Variants in HDAC9 observed in about 807,000 individuals in gnomAD.
The protein encoded by HDAC9 is histone deacetylase 9.
A neutral mutation model predicts 139.4 loss-of-function variants in HDAC9; 41 were observed. The observed-to-expected ratio is 0.29, with a 90% CI of 0.23 to 0.38. The LOEUF (loss-of-function observed/expected upper bound fraction) is 0.38. Among genes scored for constraint, HDAC9 ranks in the 10% least tolerant of loss-of-function variants. The pLI is 1.00. For synonymous variants in HDAC9, 517 were observed against 476.2 expected (o/e 1.09, Z -1.12); for missense variants, 1,147 against 1,297.0 (o/e 0.88, Z 1.78).
intron 2 of HDAC9, among the ~76,000 whole-genome samples, chr7:18,532,395 G>A (rs1336379025): frequency 6.6e-6 from 1 of 152,300 alleles, no homozygotes; most frequent in Non-Finnish European, 1.5e-5. Flanking sequence ...TCTAAAGCAA[G>A]ATTAATGCAT....
intron 13 of HDAC9, among the ~76,000 whole-genome samples, chr7:18,737,950 G>T (rs1178146): frequency 0.17 from 26,423 of 152,128 alleles, 2,640 homozygotes; most frequent in East Asian, 0.42. Flanking sequence ...CTCCTGCATT[G>T]GGTGCATATA....
At chr7:18,859,002 A>T (rs1307772931) in intron 21 of HDAC9, among the ~76,000 whole-genome samples, 1 of 152,198 alleles carries the variant, frequency 6.6e-6, no homozygotes, top group Non-Finnish European at 1.5e-5. Context: ...AGGCAGTGAA[A>T]TTGTCAAGCT....
chr7:18,744,202 G>T (rs1787730498), intron 13 of HDAC9, among the ~76,000 whole-genome samples: 1 of 151,986 alleles, frequency 6.6e-6, no homozygotes, highest in Non-Finnish European at 1.5e-5. Flanking sequence ...ATGTTGGTCA[G>T]GCTGGTCTTG....
chr7:18,880,351 T>G (rs1392116962), intron 22 of HDAC9, among the ~76,000 whole-genome samples: 1 of 152,152 alleles, frequency 6.6e-6, no homozygotes, highest in Non-Finnish European at 1.5e-5. Context: ...TAAAGACACA[T>G]GCTCGCAAAT....
chr7:18,106,459 CT>C (rs1288928269), intron 1 of HDAC9, among the ~76,000 whole-genome samples: 40 of 146,364 alleles, frequency 2.7e-4, no homozygotes, highest in African/African-American at 2.0e-4. Context: ...GCACACATTT[CT>C]TTTTTTTTTT....
intron 1 of HDAC9, among the ~76,000 whole-genome samples, chr7:18,125,376 T>C (rs1427354448): frequency 6.6e-6 from 1 of 152,038 alleles, no homozygotes; most frequent in East Asian, 1.9e-4. Context: ...TCTAGGACTT[T>C]CCTGAATCTC....
intron 14 of HDAC9, among the ~76,000 whole-genome samples, chr7:18,756,796 C>T (rs1788915922): frequency 6.6e-6 from 1 of 152,098 alleles, no homozygotes; most frequent in South Asian, 2.1e-4. Flanking sequence ...TCTTTTTTTC[C>T]ATGTGACCCA....
rs974005015 is a variant in HDAC9, at chr7:18,845,200, GA to G, written c.2684+9205del. ...GTAGAATAAAAAAATTAATATGAAG[GA>G]AGGCTCACTCACCTGTTAATTTACT... On this transcript the variant is annotated intron_variant, in intron 21 of 25. Coordinates refer to ENST00000686413, the MANE Select transcript of HDAC9 (RefSeq NM_178425.4). Among the ~76,000 whole-genome samples, 31 of 151,840 alleles carry G rather than the reference GA, an allele frequency of 2.0e-4. 1 individual carries two copies. Among genetic ancestry groups the G allele is most frequent in the Non-Finnish European group, 1.5e-5 (1 of 67,950 alleles).
intron 1 of HDAC9, among the ~76,000 whole-genome samples, chr7:18,361,531 T>C (rs987831326): frequency 6.6e-6 from 1 of 152,202 alleles, no homozygotes; most frequent in African/African-American, 2.4e-5. Context: ...TAAACATTCT[T>C]ATTCTGTATA....
chr7:18,270,607 A>G (rs1247906301), intron 2 of HDAC9, among the ~76,000 whole-genome samples: 1 of 152,116 alleles, frequency 6.6e-6, no homozygotes, highest in Admixed American at 6.6e-5. Flanking sequence ...AACTTACATA[A>G]TCATCTGTTT....
chr7:18,219,032 A>G (rs1350889264), intron 2 of HDAC9, among the ~76,000 whole-genome samples: 1 of 152,164 alleles, frequency 6.6e-6, no homozygotes, highest in Admixed American at 6.5e-5. Flanking sequence ...GCCATAACAA[A>G]ATGATGCCTA....
chr7:18,384,674 G>A (rs1785750377), intron 1 of HDAC9, among the ~76,000 whole-genome samples: 2 of 151,992 alleles, frequency 1.3e-5, no homozygotes, highest in Admixed American at 1.3e-4. Context: ...CAGCAGGGTT[G>A]TGACTGGAAA....
chr7:18,372,917 A>G (rs562840104), intron 1 of HDAC9, among the ~76,000 whole-genome samples: 1 of 152,342 alleles, frequency 6.6e-6, no homozygotes, highest in South Asian at 2.1e-4. Flanking sequence ...TACTTTTAAT[A>G]AACTGGAAAT....
intron 2 of HDAC9, among the ~76,000 whole-genome samples, chr7:18,207,875 C>T (rs753545563): frequency 1.6e-4 from 25 of 151,680 alleles, no homozygotes; most frequent in Admixed American, 2.6e-4. Context: ...CCACCACGCC[C>T]GGCTAATTTT....
At chr7:18,260,323 G>T (rs200130805) in intron 2 of HDAC9, among the ~76,000 whole-genome samples, 1,403 of 115,474 alleles carry the variant, frequency 0.012, 29 homozygotes, top group African/African-American at 0.021. Context: ...TTTTTTTTTT[G>T]TTTTTTTTTT....
chr7:18,401,448 G>A (rs1443308210), intron 1 of HDAC9, among the ~76,000 whole-genome samples: 2 of 152,126 alleles, frequency 1.3e-5, no homozygotes, highest in Non-Finnish European at 2.9e-5. Flanking sequence ...GCATTCTTCT[G>A]GGAGCTTTGC....
intron 22 of HDAC9, among the ~76,000 whole-genome samples, chr7:18,888,039 C>T (rs528752322): frequency 1.0e-3 from 154 of 152,298 alleles, no homozygotes; most frequent in Non-Finnish European, 2.0e-3. Context: ...CCTCATTTAT[C>T]TTATCCCAAG....
chr7:18,399,537 G>A (rs894926672), intron 1 of HDAC9, among the ~76,000 whole-genome samples: 7 of 152,116 alleles, frequency 4.6e-5, no homozygotes, highest in Admixed American at 2.6e-4. Context: ...GTCGACAAGG[G>A]AATCTCATAG....
chr7:18,786,607 TTCCTTCCTTCCCTCCCTCCC>T (rs751462871), intron 16 of HDAC9, among the ~76,000 whole-genome samples: 12,822 of 100,866 alleles, frequency 0.13, 1,400 homozygotes, highest in African/African-American at 0.24. Context: ...CCTTCCTTCC[TTCCTTCCTTCCCTCCCTCCC>T]TCCTTCCTTC....
Sources: gnomAD v4.1 joint callset for allele counts (sites outside exome capture counted in the v4.1 genomes callset) on GRCh38, gnomAD v4.1.1 for gene constraint, MANE v1.5 for transcripts, NCBI Gene and HGNC (gene_info 2026-07-23, HGNC 2026-07-21) for gene names.